Variants in FAM171B observed in about 807,000 individuals in gnomAD.
The protein encoded by FAM171B is family with sequence similarity 171 member B, also known as protein FAM171B.
FAM171B carries 19 observed loss-of-function variants against 75.6 expected under a neutral mutation model. That is an observed-to-expected ratio of 0.25 (90% CI 0.18 to 0.37). The LOEUF (loss-of-function observed/expected upper bound fraction) is 0.37. Among genes scored for constraint, FAM171B ranks in the 10% least tolerant of loss-of-function variants. FAM171B has a pLI of 1.00. For synonymous variants in FAM171B, 367 were observed against 361.7 expected (o/e 1.01, Z -0.17); for missense variants, 848 against 982.4 (o/e 0.86, Z 1.83).
intron 4 of FAM171B, among the ~76,000 whole-genome samples, chr2:186,748,165 C>T (rs938674666): frequency 5.4e-5 from 8 of 148,014 alleles, no homozygotes; most frequent in South Asian, 2.2e-4. Flanking sequence ...CTCAACAATC[C>T]GCCCACCTCA....
At chr2:186,755,418 A>G (rs1264115319) in intron 6 of FAM171B, among the ~76,000 whole-genome samples, 1 of 152,226 alleles carries the variant, frequency 6.6e-6, no homozygotes, top group Non-Finnish European at 1.5e-5. Flanking sequence ...ATGCATGTAT[A>G]TCATCATCTT....
At chr2:186,715,583 GCT>G (rs1365753894) in intron 1 of FAM171B, among the ~76,000 whole-genome samples, 5 of 152,170 alleles carry the variant, frequency 3.3e-5, no homozygotes, top group African/African-American at 1.2e-4. Context: ...GTCATAATAT[GCT>G]CTGTTAACAT....
intron 1 of FAM171B, among the ~76,000 whole-genome samples, chr2:186,734,125 TCAG>T (rs897042523): frequency 6.6e-6 from 1 of 152,180 alleles, no homozygotes; most frequent in African/African-American, 2.4e-5. Context: ...AGTAGAGCTC[TCAG>T]GAGACTGTAG....
intron 1 of FAM171B, among the ~76,000 whole-genome samples, chr2:186,713,423 G>A (rs1689835438): frequency 6.6e-6 from 1 of 152,146 alleles, no homozygotes; most frequent in African/African-American, 2.4e-5. Context: ...GTAAGTATTA[G>A]AGATAATATG....
In FAM171B at chr2:186,765,524, T is replaced by C. The variant is rs375813762; in HGVS notation, c.*2701T>C. ...ATAATACATAATATACCACAGAGAT[T>C]ACAAATGTTGAGGAATGAAAGCACT... On this transcript the variant is annotated 3_prime_UTR_variant, in exon 8 of 8. Coordinates refer to ENST00000304698, the MANE Select transcript of FAM171B (RefSeq NM_177454.4). 4 of 152,212 alleles carry C rather than the reference T, an allele frequency of 2.6e-5. No homozygotes were observed. The highest frequency in any genetic ancestry group is 4.1e-4 in the South Asian group (2 of 4,830). 9.4% of individuals were successfully genotyped at this position (152,212 alleles called of 1,614,324 possible). A position where few individuals can be genotyped will look rare whatever the true frequency, so the allele number is the denominator to read the frequency against.
rs541701145 is a variant in FAM171B, at chr2:186,728,430, T to A, written c.239-11798T>A. Among the ~76,000 whole-genome samples the A allele has an allele frequency of 3.9e-5, 6 of 152,282 alleles. No homozygotes were observed. In the South Asian group the frequency reaches 1.2e-3, roughly 32 times the overall value. ...TTGCTGTCTGTATCCCCAATCCCCATCTCGTGCAGATCTGAGGAAAAGTAG... is the reference window on the plus strand; with the variant it reads ...TTGCTGTCTGTATCCCCAATCCCCAACTCGTGCAGATCTGAGGAAAAGTAG... On this transcript the variant is annotated intron_variant, in intron 1 of 7. Transcript: ENST00000304698.
Position 186,753,922 on chromosome 2 carries a change from TA to T in FAM171B, c.896-10del. 1 of 1,607,864 alleles carries T rather than the reference TA, an allele frequency of 6.2e-7. No homozygotes were observed. The highest frequency in any genetic ancestry group is 8.5e-7 in the Non-Finnish European group (1 of 1,174,576). ...ATAACTGTAACAAGTATTTTTTACA[TA>T]CCTTTTTAGGTGCTTGGGTAAATCA... On this transcript the variant is annotated splice_polypyrimidine_tract_variant and intron_variant, in intron 5 of 7. Coordinates refer to ENST00000304698, the MANE Select transcript of FAM171B (RefSeq NM_177454.4).
intron 1 of FAM171B, among the ~76,000 whole-genome samples, chr2:186,733,437 T>C (rs1690149214): frequency 6.6e-6 from 1 of 152,178 alleles, no homozygotes; most frequent in Non-Finnish European, 1.5e-5. Flanking sequence ...TTTTCAAAGA[T>C]CATTTTGTCA....
At chr2:186,698,779 C>T (rs1689615794) in intron 1 of FAM171B, among the ~76,000 whole-genome samples, 1 of 152,152 alleles carries the variant, frequency 6.6e-6, no homozygotes, top group Admixed American at 6.5e-5. Flanking sequence ...CACTTCTTCC[C>T]CACTCCCAAT....
intron 1 of FAM171B, among the ~76,000 whole-genome samples, chr2:186,715,500 G>C (rs1020003703): frequency 1.3e-5 from 2 of 152,146 alleles, no homozygotes; most frequent in Non-Finnish European, 2.9e-5. Flanking sequence ...ACCACACCTA[G>C]CTGGGACTAA....
In FAM171B at chr2:186,761,175, A is replaced by T. The variant is rs759995879; in HGVS notation, c.1075A>T (p.Ile359Leu). 1 of 1,612,566 alleles carries T rather than the reference A, an allele frequency of 6.2e-7. No individual in the cohort carries two copies. The highest frequency in any genetic ancestry group is 8.5e-7 in the Non-Finnish European group (1 of 1,179,170). ...CTACCACACAGTGTTTCTTACAGCC[A>T]TATTAGGAGGAACAATAGTCATTGT... ...TAYHTVFLTA[I>L]LGGTIVIVIG... is the part of the protein sequence containing the mutation. The change falls in exon 7 of 8, where the codon ATA becomes TTA. Residue 359 changes from isoleucine (I) to leucine (L), a missense_variant. By Grantham distance (5) the Ile-to-Leu change is conservative. Around this residue, in one of 3 missense-constraint regions of FAM171B, gnomAD observed 665 missense variants for 729.0 expected, o/e 0.91. Transcript: ENST00000304698.
rs755998258 is a variant in FAM171B at position 186,762,308 on chromosome 2, C to T, written c.1966C>T (p.Gln656Ter). Residue 656 changes from glutamine to a stop codon, truncating the protein, a stop_gained, in exon 8 of 8, where the codon CAG becomes TAG. Coordinates refer to ENST00000304698, the MANE Select transcript of FAM171B (RefSeq NM_177454.4). LOFTEE classifies it high-confidence loss of function. The surrounding 1 kb of genome is among the most constrained non-coding windows in gnomAD (Gnocchi z 4.0). ...FSSELQGISE[Q>*]TLLELSKGKP... ...ATCGGAACTTCAAGGAATTTCAGAA[C>T]AGACCCTCCTGGAGCTGTCCAAAGG... is the stretch of plus-strand genomic sequence containing the variant. 6.2e-7 allele frequency: 1 copy of T among 1,613,682 alleles called. No individual in the cohort carries two copies. Among genetic ancestry groups the T allele is most frequent in the Admixed American group, 1.7e-5 (1 of 59,954 alleles).
chr2:186,720,766 G>T (rs1316102313), intron 1 of FAM171B, among the ~76,000 whole-genome samples: 1 of 147,586 alleles, frequency 6.8e-6, no homozygotes, highest in African/African-American at 2.5e-5. Context: ...CGTATTAAAT[G>T]TACCCAAACC....
intron 1 of FAM171B, among the ~76,000 whole-genome samples, chr2:186,696,156 A>G (rs1250947596): frequency 6.6e-6 from 1 of 152,156 alleles, no homozygotes; most frequent in Non-Finnish European, 1.5e-5. Context: ...TTATTTACCT[A>G]TTAGATTGAG....
chr2:186,704,928 C>T (rs570339822), intron 1 of FAM171B, among the ~76,000 whole-genome samples: 24 of 152,306 alleles, frequency 1.6e-4, no homozygotes, highest in Admixed American at 1.6e-3. Context: ...CTTTTTGCCC[C>T]CATGTATATG....
At chr2:186,695,379 A>C (rs1313856496) in intron 1 of FAM171B, 2 of 152,120 alleles carry the variant, frequency 1.3e-5, no homozygotes, top group Non-Finnish European at 2.9e-5. Flanking sequence ...TGCTATTTGG[A>C]AAGAAAAAAA....
chr2:186,730,559 A>C (rs930073707), intron 1 of FAM171B, among the ~76,000 whole-genome samples: 1 of 152,208 alleles, frequency 6.6e-6, no homozygotes, highest in African/African-American at 2.4e-5. Context: ...ACTTTAAGAT[A>C]TAGATATAGG....
chr2:186,725,292 C>T (rs1039350179), intron 1 of FAM171B, among the ~76,000 whole-genome samples: 3 of 149,806 alleles, frequency 2.0e-5, no homozygotes, highest in African/African-American at 7.4e-5. Flanking sequence ...TGCAGTGAGC[C>T]GAGACCACGC....
At chr2:186,739,506 T>A (rs1279578280) in intron 1 of FAM171B, among the ~76,000 whole-genome samples, 2 of 152,090 alleles carry the variant, frequency 1.3e-5, no homozygotes, top group Non-Finnish European at 2.9e-5. Flanking sequence ...CTTTTTAAAC[T>A]TTTTTTGTTA....
Sources: allele counts gnomAD v4.1 joint callset (sites outside exome capture counted in the v4.1 genomes callset), GRCh38; gene constraint gnomAD v4.1.1; regional missense constraint gnomAD v4.1.1; non-coding constraint Gnocchi (gnomAD v3.1); transcripts MANE v1.5; gene names NCBI Gene and HGNC (gene_info 2026-07-23, HGNC 2026-07-21).